Variants in PLXDC2 observed in about 807,000 individuals in gnomAD.
PLXDC2 encodes the protein plexin domain-containing protein 2.
A neutral mutation model predicts 68.9 loss-of-function variants in PLXDC2; 40 were observed. The ratio of observed to expected loss-of-function variants is 0.58; its 90% confidence interval spans 0.45 to 0.76. The LOEUF is 0.76. Among genes scored for constraint, PLXDC2 ranks in the 30% least tolerant of loss-of-function variants. The pLI, the probability that PLXDC2 is intolerant of heterozygous loss-of-function variation, is 0.00. For missense variants in PLXDC2, 644 were observed against 661.9 expected, an observed-to-expected ratio of 0.97 and a Z score of 0.30; for synonymous variants, 243 against 234.2, an observed-to-expected ratio of 1.04 and a Z score of -0.34.
At chr10:20,238,329 G>T (rs1311001374) in intron 12 of PLXDC2, among the ~76,000 whole-genome samples, 1 of 150,840 alleles carries the variant, frequency 6.6e-6, no homozygotes, top group Non-Finnish European at 1.5e-5. Flanking sequence ...ATATTTTCTA[G>T]TATATACTTA....
intron 1 of PLXDC2, among the ~76,000 whole-genome samples, chr10:19,820,691 T>C (rs1338348652): frequency 6.6e-6 from 1 of 151,814 alleles, no homozygotes; most frequent in Non-Finnish European, 1.5e-5. Context: ...ATTAGTTTTG[T>C]CATTTTTTCC....
intron 5 of PLXDC2, among the ~76,000 whole-genome samples, chr10:20,145,860 T>G (rs1043796228): frequency 3.3e-5 from 5 of 152,188 alleles, no homozygotes; most frequent in Admixed American, 2.0e-4. Context: ...GTCAACAGTG[T>G]GGTTTTTAAC....
At chr10:19,898,778 T>G (rs1014471433) in intron 1 of PLXDC2, among the ~76,000 whole-genome samples, 13 of 152,176 alleles carry the variant, frequency 8.5e-5, no homozygotes, top group Non-Finnish European at 1.6e-4. Flanking sequence ...TAGAAAAATT[T>G]CTTATACGCA....
intron 4 of PLXDC2, among the ~76,000 whole-genome samples, chr10:20,097,485 T>C (rs1375311850): frequency 2.6e-5 from 4 of 152,228 alleles, no homozygotes; most frequent in South Asian, 2.1e-4. Context: ...AGGATCTTTT[T>C]CCCATTTCCT....
intron 4 of PLXDC2, among the ~76,000 whole-genome samples, chr10:20,143,039 A>G (rs530632896): frequency 3.3e-5 from 5 of 152,160 alleles, no homozygotes; most frequent in African/African-American, 9.6e-5. Flanking sequence ...GATAATGGTC[A>G]CTTTCCCCCC....
At chr10:20,146,450 TCTTCCTTC>T (rs112918711) in intron 5 of PLXDC2, among the ~76,000 whole-genome samples, 1 of 145,726 alleles carries the variant, frequency 6.9e-6, no homozygotes, top group Non-Finnish European at 1.5e-5. Context: ...TTTCTTCCTT[TCTTCCTTC>T]CTTCCTTCCT....
chr10:20,023,165 C>T (rs1835341801), intron 2 of PLXDC2, among the ~76,000 whole-genome samples: 1 of 149,470 alleles, frequency 6.7e-6, no homozygotes, highest in African/African-American at 2.4e-5. Flanking sequence ...ATATTATCTA[C>T]AATCCGTATT....
chr10:20,160,232 C>T (rs1366512241), intron 6 of PLXDC2, among the ~76,000 whole-genome samples: 2 of 152,016 alleles, frequency 1.3e-5, no homozygotes, highest in Non-Finnish European at 2.9e-5. Context: ...AATCTATTTT[C>T]TACTGTCTAA....
chr10:20,238,130 C>T (rs890735812), intron 12 of PLXDC2, among the ~76,000 whole-genome samples: 3 of 150,656 alleles, frequency 2.0e-5, no homozygotes, highest in African/African-American at 7.3e-5. Flanking sequence ...TTAAATGCTA[C>T]ACTTTGACAA....
intron 1 of PLXDC2, among the ~76,000 whole-genome samples, chr10:19,988,126 G>T (rs1272064156): frequency 6.6e-6 from 1 of 152,012 alleles, no homozygotes; most frequent in Non-Finnish European, 1.5e-5. Flanking sequence ...CATTGTTGGG[G>T]TAATGTCACA....
At chr10:20,056,834 G>A (rs1259952495) in intron 3 of PLXDC2, among the ~76,000 whole-genome samples, 3 of 151,894 alleles carry the variant, frequency 2.0e-5, no homozygotes, top group Non-Finnish European at 4.4e-5. Flanking sequence ...CTCTATTACC[G>A]GTGAAGGCTA....
chr10:20,260,427 A>G (rs1835795396), intron 13 of PLXDC2, among the ~76,000 whole-genome samples: 1 of 152,188 alleles, frequency 6.6e-6, no homozygotes, highest in African/African-American at 2.4e-5. Context: ...AAAATTCCAC[A>G]TGTGATAGAC....
intron 2 of PLXDC2, among the ~76,000 whole-genome samples, chr10:20,041,413 A>G (rs1202611605): frequency 2.6e-5 from 4 of 152,260 alleles, no homozygotes; most frequent in East Asian, 1.9e-4. Context: ...TTTTTCCTCC[A>G]TATAGATAAC....
At chr10:19,996,494 G>A (rs1834845004) in intron 1 of PLXDC2, among the ~76,000 whole-genome samples, 1 of 152,176 alleles carries the variant, frequency 6.6e-6, no homozygotes, top group Admixed American at 6.5e-5. Context: ...GCTGAGGTGG[G>A]AGGATCACTT....
intron 3 of PLXDC2, among the ~76,000 whole-genome samples, chr10:20,051,428 ATATATATATATATATG>A (rs1835899180): frequency 1.9e-5 from 1 of 53,606 alleles, no homozygotes; most frequent in African/African-American, 7.6e-5. Flanking sequence ...ATATATATAT[ATATATATATATATATG>A]TGCTATTATG....
intron 1 of PLXDC2, among the ~76,000 whole-genome samples, chr10:19,965,722 G>T (rs1021414103): frequency 2.2e-4 from 32 of 148,162 alleles, no homozygotes; most frequent in Admixed American, 5.4e-4. Flanking sequence ...TTTTTTTGGG[G>T]GGGGGGGTTA....
At chr10:19,847,564 G>A (rs1049462412) in intron 1 of PLXDC2, among the ~76,000 whole-genome samples, 2 of 152,166 alleles carry the variant, frequency 1.3e-5, no homozygotes, top group Admixed American at 1.3e-4. Flanking sequence ...AACTCTGGGG[G>A]TGGAGCCCAG....
intron 3 of PLXDC2, among the ~76,000 whole-genome samples, chr10:20,048,835 G>T (rs1835842784): frequency 6.6e-6 from 1 of 152,060 alleles, no homozygotes; most frequent in Non-Finnish European, 1.5e-5. Context: ...TGGTTGCCTT[G>T]TGACAGCTCT....
intron 1 of PLXDC2, among the ~76,000 whole-genome samples, chr10:19,987,314 A>G (rs569528180): frequency 3.9e-5 from 6 of 152,218 alleles, no homozygotes; most frequent in African/African-American, 1.4e-4. Flanking sequence ...CTAAATACCT[A>G]AACAATGTCG....
Sources: allele counts gnomAD v4.1 joint callset (sites outside exome capture counted in the v4.1 genomes callset), GRCh38; gene constraint gnomAD v4.1.1; transcripts MANE v1.5; gene names NCBI Gene and HGNC (gene_info 2026-07-23, HGNC 2026-07-21).